RASAL2: variants seen among roughly 807,000 people sequenced by gnomAD.
RASAL2 encodes RAS protein activator like 2, also known as ras GTPase-activating protein nGAP.
Under a neutral mutation model 128.9 loss-of-function variants are expected in RASAL2, and 58 were observed. That is an observed-to-expected ratio of 0.45 (90% confidence interval 0.36 to 0.56). RASAL2 has a LOEUF of 0.56. Among genes scored for constraint, RASAL2 ranks in the 20% least tolerant of loss-of-function variants. RASAL2 has a pLI of 0.00. For synonymous variants in RASAL2, 561 were observed against 580.8 expected (o/e 0.97, Z 0.49); for missense variants, 1,360 against 1,601.6 (o/e 0.85, Z 2.57).
At chr1:178,130,076 A>G (rs144130959) in intron 1 of RASAL2, among the ~76,000 whole-genome samples, 5,188 of 152,336 alleles carry the variant, frequency 0.034, 118 homozygotes, top group Non-Finnish European at 0.05. Flanking sequence ...TTTCAAATAT[A>G]GAACAGGTCT....
At chr1:178,172,043 T>C (rs999145129) in intron 1 of RASAL2, among the ~76,000 whole-genome samples, 1 of 151,974 alleles carries the variant, frequency 6.6e-6, no homozygotes, top group African/African-American at 2.4e-5. Flanking sequence ...TTGATAGTCC[T>C]TTTCAAACCT....
chr1:178,478,763 A>G lies in RASAL2; in HGVS notation c.*5524A>G, dbSNP rs1469625503. 6.6e-6 allele frequency: 1 copy of G among 152,174 alleles called. No homozygotes were observed. The highest frequency in any genetic ancestry group is 1.5e-5 in the Non-Finnish European group (1 of 68,020). 9.4% of individuals were successfully genotyped at this position (152,174 alleles called of 1,614,324 possible). The stretch of plus-strand genomic sequence containing the variant: ...TTTTGTTCTGTGAATAATTTTTGAC[A>G]GTTCTTGTACATGTACAGATATAGA... On this transcript the variant is annotated 3_prime_UTR_variant, in exon 18 of 18. Transcript: ENST00000367649.
At chr1:178,156,048 T>C (rs1661072695) in intron 1 of RASAL2, among the ~76,000 whole-genome samples, 1 of 152,236 alleles carries the variant, frequency 6.6e-6, no homozygotes, top group Non-Finnish European at 1.5e-5. Flanking sequence ...TAAGAAGTTC[T>C]GTTCAGGTAA....
chr1:178,169,784 G>A (rs1320284570), intron 1 of RASAL2, among the ~76,000 whole-genome samples: 2 of 151,982 alleles, frequency 1.3e-5, no homozygotes, highest in African/African-American at 4.8e-5. Context: ...TTATGTGACA[G>A]TACAGTTTTA....
At chr1:178,232,364 G>A (rs1664046028) in intron 1 of RASAL2, among the ~76,000 whole-genome samples, 1 of 152,068 alleles carries the variant, frequency 6.6e-6, no homozygotes, top group Admixed American at 6.5e-5. Flanking sequence ...AATTTCTTTG[G>A]TTAAACAGAT....
At chr1:178,162,736 A>G (rs1661373456) in intron 1 of RASAL2, among the ~76,000 whole-genome samples, 1 of 149,834 alleles carries the variant, frequency 6.7e-6, no homozygotes, top group African/African-American at 2.5e-5. Flanking sequence ...TACAAGCATA[A>G]GCCACCATGC....
intron 3 of RASAL2, among the ~76,000 whole-genome samples, chr1:178,329,877 G>T (rs139461035): frequency 6.6e-6 from 1 of 151,934 alleles, no homozygotes; most frequent in Non-Finnish European, 1.5e-5. Flanking sequence ...AAAGACAAAG[G>T]TTATCCCCAG....
At chr1:178,335,132 C>G (rs926107010) in intron 3 of RASAL2, among the ~76,000 whole-genome samples, 4 of 151,792 alleles carry the variant, frequency 2.6e-5, no homozygotes, top group Non-Finnish European at 4.4e-5. Flanking sequence ...AGTAGAAGTA[C>G]CACAGATCAA....
chr1:178,229,882 C>T (rs766292468), intron 1 of RASAL2, among the ~76,000 whole-genome samples: 8 of 152,138 alleles, frequency 5.3e-5, no homozygotes, highest in Non-Finnish European at 5.9e-5. Context: ...TACTTAAACC[C>T]TCATAATCCA....
At position 178,456,820 on chromosome 1, in the gene RASAL2, A is replaced by G; in HGVS notation, c.2311A>G (p.Thr771Ala). The change falls in exon 13 of 18, where the codon ACT (threonine) becomes GCT (alanine). Residue 771 changes from threonine (T) to alanine (A), a missense_variant. By Grantham distance (58) the Thr-to-Ala change is moderately conservative (BLOSUM62 0). Transcript: ENST00000367649. ...AATACAACAGCAACTGAGACGCTTC[A>G]CTGAACATAACTCCAGTCCAAATGT... ...TPIQQQLRRF[T>A]EHNSSPNVSG... The G allele has an allele frequency of 1.2e-6, 2 of 1,614,198 alleles. No homozygotes were observed. Among genetic ancestry groups the G allele is most frequent in the Non-Finnish European group, 1.7e-6 (2 of 1,180,032 alleles).
chr1:178,404,736 C>G (rs1423685921), intron 4 of RASAL2, among the ~76,000 whole-genome samples: 1 of 142,016 alleles, frequency 7.0e-6, no homozygotes, highest in Non-Finnish European at 1.5e-5. Flanking sequence ...GGCTGGAGTA[C>G]AGTGGCGCAA....
At chr1:178,226,333 G>A (rs754214556) in intron 1 of RASAL2, among the ~76,000 whole-genome samples, 1 of 152,068 alleles carries the variant, frequency 6.6e-6, no homozygotes, top group Admixed American at 6.5e-5. Context: ...TTTGCTTCTT[G>A]TTGTTCTGAT....
chr1:178,411,399 G>A (rs933947888), intron 4 of RASAL2, among the ~76,000 whole-genome samples: 5 of 152,086 alleles, frequency 3.3e-5, no homozygotes, highest in Non-Finnish European at 5.9e-5. Flanking sequence ...GGACTTGGGA[G>A]GAAGGGTGGG....
chr1:178,220,238 C>A (rs1419105498), intron 1 of RASAL2, among the ~76,000 whole-genome samples: 1 of 152,050 alleles, frequency 6.6e-6, no homozygotes, highest in Non-Finnish European at 1.5e-5. Flanking sequence ...TATAGAGACA[C>A]AAAGTAGACT....
intron 2 of RASAL2, among the ~76,000 whole-genome samples, chr1:178,297,995 A>T (rs1667595726): frequency 6.6e-6 from 1 of 152,166 alleles, no homozygotes. Context: ...GACCTTTATT[A>T]TTTAAAATAA....
Position 178,451,615 on chromosome 1 carries a change from G to A in RASAL2, c.1672G>A (p.Val558Met). ...ALYESDENCEVDPSKCSSSEL... is the reference protein window; with the variant it reads ...ALYESDENCEMDPSKCSSSEL... ...GTATGAGTCCGATGAGAACTGTGAA[G>A]TGGATCCCAGCAAATGTTCATCTAG... Residue 558 changes from valine (V) to methionine (M), a missense_variant, in exon 10 of 18, where the codon GTG becomes ATG. Transcript: ENST00000367649. 8 of 1,613,858 alleles carry A rather than the reference G, an allele frequency of 5.0e-6. No individual in the cohort carries two copies. The highest frequency in any genetic ancestry group is 6.8e-6 in the Non-Finnish European group (8 of 1,179,804).
intron 4 of RASAL2, among the ~76,000 whole-genome samples, chr1:178,414,092 C>T (rs1026849183): frequency 1.3e-5 from 2 of 152,184 alleles, no homozygotes; most frequent in South Asian, 4.1e-4. Context: ...CACAGATGCT[C>T]CTTGACTTAC....
chr1:178,331,647 C>T (rs893959724), intron 3 of RASAL2, among the ~76,000 whole-genome samples: 3 of 134,670 alleles, frequency 2.2e-5, no homozygotes, highest in Non-Finnish European at 3.0e-5. Flanking sequence ...CATGCAGTGG[C>T]GTGATCTCGG....
At chr1:178,347,187 T>C (rs1670194966) in intron 3 of RASAL2, among the ~76,000 whole-genome samples, 1 of 152,148 alleles carries the variant, frequency 6.6e-6, no homozygotes, top group Admixed American at 6.6e-5. Flanking sequence ...GCTTGAAGGG[T>C]GTGACTATTG....
Sources: gnomAD v4.1 joint callset for allele counts (sites outside exome capture counted in the v4.1 genomes callset) on GRCh38, gnomAD v4.1.1 for gene constraint, MANE v1.5 for transcripts, NCBI Gene and HGNC (gene_info 2026-07-23, HGNC 2026-07-21) for gene names.